HACE1: variants seen among roughly 807,000 people sequenced by gnomAD.
HACE1 encodes E3 ubiquitin-protein ligase HACE1.
HACE1 carries 73 observed loss-of-function variants against 118.4 expected under a neutral mutation model. The ratio of observed to expected loss-of-function variants is 0.62; its 90% CI spans 0.51 to 0.75. The LOEUF is 0.75. Among genes scored for constraint, HACE1 ranks in the 30% least tolerant of loss-of-function variants. The probability of loss-of-function intolerance (pLI) is 0.00; values close to 1 mark genes in which losing one functional copy is unlikely to be tolerated. For missense variants in HACE1, 749 were observed against 1,102.2 expected, an observed-to-expected ratio of 0.68 and a Z score of 4.54; for synonymous variants, 368 against 374.8, an observed-to-expected ratio of 0.98 and a Z score of 0.21.
At chr6:104,736,433 C>T (rs530824861) in intron 22 of HACE1, among the ~76,000 whole-genome samples, 6 of 152,132 alleles carry the variant, frequency 3.9e-5, no homozygotes, top group South Asian at 2.1e-4. Context: ...CACAGGCATG[C>T]GCCACCATGC....
chr6:104,847,083 G>C (rs1775738493), intron 4 of HACE1, among the ~76,000 whole-genome samples: 1 of 151,884 alleles, frequency 6.6e-6, no homozygotes, highest in African/African-American at 2.4e-5. Context: ...TTTTCTCTGT[G>C]CCACTTTATT....
intron 6 of HACE1, among the ~76,000 whole-genome samples, chr6:104,823,688 A>C (rs1001605860): frequency 5.3e-5 from 8 of 152,244 alleles, no homozygotes; most frequent in Non-Finnish European, 7.4e-5. Context: ...AAATGTATAA[A>C]GGAATTTTAA....
chr6:104,740,920 T>C, intron 22 of HACE1, among the ~76,000 whole-genome samples: 1 of 124,252 alleles, frequency 8.0e-6, no homozygotes, highest in African/African-American at 3.5e-5. Flanking sequence ...AATAAAATAC[T>C]GGCAAAACGA....
chr6:104,796,783 G>T, intron 8 of HACE1, 27 bp from the exon 9 acceptor site: 1 of 1,364,882 alleles, frequency 7.3e-7, no homozygotes. Context: ...AAATTATCCA[G>T]GTTTAAAAAC....
chr6:104,771,489 A>C, intron 18 of HACE1, 100 bp from the exon 19 acceptor site: 1 of 725,386 alleles, frequency 1.4e-6, no homozygotes, highest in South Asian at 1.5e-5. Context: ...GAAAAACTGC[A>C]AAATATAATA....
rs747573498 is a variant in HACE1, at chr6:104,816,356, C to T, written c.535-4963G>A. On this transcript the variant is annotated intron_variant, in intron 6 of 23. Coordinates refer to ENST00000262903, the MANE Select transcript of HACE1 (RefSeq NM_020771.4). ...AGGGCCCCACTGCTCTGTGCAGCTT[C>T]GGGACTTAGTGCTCTGTGTCCCAGA... Among the ~76,000 whole-genome samples the T allele has an allele frequency of 1.4e-4, 22 of 152,340 alleles. No homozygotes were observed. The South Asian group carries it at 1.4e-3, about 10-fold the overall frequency.
At chr6:104,826,911 T>C (rs1352157689) in intron 6 of HACE1, among the ~76,000 whole-genome samples, 3 of 152,148 alleles carry the variant, frequency 2.0e-5, no homozygotes, top group Non-Finnish European at 4.4e-5. Flanking sequence ...CCCTCCTCCT[T>C]ACAGAATAAG....
At chr6:104,843,422 A>G in intron 4 of HACE1, 124 bp from the exon 5 acceptor site, 5 of 696,324 alleles carry the variant, frequency 7.2e-6, no homozygotes, top group Non-Finnish European at 1.0e-5. Context: ...TTTATCTGTA[A>G]TATCAAGCCA....
intron 19 of HACE1, among the ~76,000 whole-genome samples, chr6:104,769,734 C>T (rs1163860321): frequency 1.3e-5 from 2 of 152,088 alleles, no homozygotes; most frequent in African/African-American, 2.4e-5. Flanking sequence ...TTGCCATTAA[C>T]TCTTTAGGAT....
intron 7 of HACE1, among the ~76,000 whole-genome samples, chr6:104,802,653 T>C (rs868837260): frequency 3.9e-5 from 6 of 152,302 alleles, no homozygotes; most frequent in Admixed American, 6.5e-5. Context: ...ATAAAGATGT[T>C]CTTTGAAACC....
At chr6:104,748,128 T>C (rs1472084844) in intron 20 of HACE1, among the ~76,000 whole-genome samples, 1 of 151,932 alleles carries the variant, frequency 6.6e-6, no homozygotes, top group Non-Finnish European at 1.5e-5. Flanking sequence ...AACTGAACTA[T>C]GTTAAACCCC....
intron 12 of HACE1, 138 bp downstream of exon 12, chr6:104,784,847 A>ATTAGTATGAG (rs1168133614): frequency 3.0e-6 from 2 of 664,018 alleles, no homozygotes; most frequent in Non-Finnish European, 5.3e-6. Context: ...CTAGATCTAG[A>ATTAGTATGAG]TTAGTATGAG....
intron 5 of HACE1, among the ~76,000 whole-genome samples, chr6:104,840,554 C>T (rs1051225188): frequency 2.0e-5 from 3 of 152,062 alleles, no homozygotes; most frequent in Non-Finnish European, 2.9e-5. Flanking sequence ...AGAGGCCCGT[C>T]GCGGTGGCTC....
At chr6:104,775,090 C>T (rs933908505) in intron 17 of HACE1, among the ~76,000 whole-genome samples, 4 of 152,112 alleles carry the variant, frequency 2.6e-5, no homozygotes, top group Non-Finnish European at 4.4e-5. Flanking sequence ...ACCTGTAATC[C>T]CAGAACTTTG....
chr6:104,823,758 TA>T (rs879879893), intron 6 of HACE1, among the ~76,000 whole-genome samples: 2,427 of 141,992 alleles, frequency 0.017, 34 homozygotes, highest in African/African-American at 0.048. Context: ...CTTTGTGAAT[TA>T]AAAAAAAAAA....
intron 1 of HACE1, among the ~76,000 whole-genome samples, chr6:104,857,848 TG>T (rs1429530412): frequency 1.3e-5 from 2 of 149,386 alleles, no homozygotes; most frequent in African/African-American, 5.0e-5. Context: ...TCCCAACTAC[TG>T]GGAAGGCTGA....
Position 104,852,228 on chromosome 6 carries a change from TGC to T in HACE1, c.131+87_131+88del, listed in dbSNP as rs112776563. The stretch of plus-strand genomic sequence containing the variant: ...GTGTGTGTGTGTGTGTGTGTGTGTG[TGC>T]GCGCGTGCGCGTGCACGGGCATGCA... On this transcript the variant is annotated intron_variant, in intron 2 of 23. Transcript: ENST00000262903. 3,160 of 657,014 alleles carry T rather than the reference TGC, an allele frequency of 4.8e-3. 45 individuals carry two copies. Among genetic ancestry groups the T allele is most frequent in the African/African-American group, 0.031 (1,260 of 40,744 alleles). The allele number at this position is 657,014 out of a possible 1,614,324, so 40.7% of individuals were successfully genotyped here.
At chr6:104,773,898 T>C (rs1780898585) in intron 17 of HACE1, among the ~76,000 whole-genome samples, 1 of 151,930 alleles carries the variant, frequency 6.6e-6, no homozygotes, top group Non-Finnish European at 1.5e-5. Context: ...TATATAGCTG[T>C]GATTCCCCCA....
chr6:104,855,426 G>C (rs1023793827), intron 1 of HACE1, among the ~76,000 whole-genome samples: 6 of 151,730 alleles, frequency 4.0e-5, no homozygotes, highest in African/African-American at 1.5e-4. Flanking sequence ...CTGGGCAACA[G>C]AGCGAGACTC....
Sources: gnomAD v4.1 joint callset for allele counts (sites outside exome capture counted in the v4.1 genomes callset) on GRCh38, gnomAD v4.1.1 for gene constraint, MANE v1.5 for transcripts, NCBI Gene and HGNC (gene_info 2026-07-23, HGNC 2026-07-21) for gene names.